Variants in KCNC4 observed in about 807,000 individuals in gnomAD.
KCNC4 encodes the protein potassium voltage-gated channel subfamily C member 4, also known as voltage-gated potassium channel KCNC4.
Under a neutral mutation model 42.8 loss-of-function variants are expected in KCNC4, and 23 were observed. The observed-to-expected ratio is 0.54, with a 90% CI of 0.39 to 0.76. The LOEUF (loss-of-function observed/expected upper bound fraction) is 0.76, where lower values mean the gene tolerates loss of function less well. Among genes scored for constraint, KCNC4 ranks in the 30% least tolerant of loss-of-function variants. The pLI is 0.00. For synonymous variants in KCNC4, 422 were observed against 393.5 expected, an observed-to-expected ratio of 1.07 and a Z score of -0.86; for missense variants, 751 against 898.2, an observed-to-expected ratio of 0.84 and a Z score of 2.10.
intron 1 of KCNC4, 74 bp from the exon 2 acceptor site, chr1:110,222,888 CAG>C: frequency 9.2e-7 from 1 of 1,090,190 alleles, no homozygotes; most frequent in Non-Finnish European, 1.4e-6. Flanking sequence ...AACCTTCATG[CAG>C]AAGTCCACGT....
chr1:110,253,234 T>C (rs1364012238), downstream of KCNC4, among the ~76,000 whole-genome samples: 1 of 152,246 alleles, frequency 6.6e-6, no homozygotes, highest in Non-Finnish European at 1.5e-5. Context: ...TTACTGACCA[T>C]GAGGGCACTT....
Position 110,233,026 on chromosome 1 carries a change from G to A in KCNC4, c.*54G>A. 3 of 1,567,860 alleles carry A rather than the reference G, an allele frequency of 1.9e-6. No individual in the cohort carries two copies. Among genetic ancestry groups the A allele is most frequent in the Non-Finnish European group, 2.6e-6 (3 of 1,152,366 alleles). ...GACAGACAGAAAGCCAGAGGCTTAGGGAAACTCTGGAACCCAGACAAGAAT... is the reference window on the plus strand; with the variant it reads ...GACAGACAGAAAGCCAGAGGCTTAGAGAAACTCTGGAACCCAGACAAGAAT... On this transcript the variant is annotated 3_prime_UTR_variant, in exon 4 of 4. Transcript: ENST00000438661.
intron 1 of KCNC4, among the ~76,000 whole-genome samples, chr1:110,214,997 C>T (rs559923805): frequency 1.3e-5 from 2 of 152,374 alleles, no homozygotes; most frequent in South Asian, 4.1e-4. Context: ...GTGCTACCTT[C>T]CCTCGCTCAC....
intron 3 of KCNC4, among the ~76,000 whole-genome samples, chr1:110,230,223 C>T (rs77581383): frequency 0.023 from 3,525 of 152,276 alleles, 137 homozygotes; most frequent in African/African-American, 0.08. Context: ...CTCCCACTTG[C>T]TCTCAGAATG....
intron 3 of KCNC4, among the ~76,000 whole-genome samples, chr1:110,230,171 G>A (rs1658620449): frequency 6.6e-6 from 1 of 152,224 alleles, no homozygotes; most frequent in Admixed American, 6.5e-5. Context: ...TTCAGAGTGG[G>A]CACTGGGATA....
chr1:110,275,881 C>G (rs1428359752), intron 1 of KCNC4, among the ~76,000 whole-genome samples: 1 of 144,492 alleles, frequency 6.9e-6, no homozygotes, highest in African/African-American at 2.7e-5. Flanking sequence ...TCACTTGGAC[C>G]CGGGAGGTGG....
intron 3 of KCNC4, 132 bp from the exon 4 acceptor site, chr1:110,232,779 G>C: frequency 6.5e-7 from 1 of 1,539,660 alleles, no homozygotes; most frequent in Non-Finnish European, 8.7e-7. Flanking sequence ...TCAGCAGCTG[G>C]CTTCCTTCTA....
intron 1 of KCNC4, chr1:110,220,456 C>G (rs373575237): frequency 2.7e-5 from 4 of 147,122 alleles, no homozygotes; most frequent in Non-Finnish European, 5.9e-5. Flanking sequence ...AGAGGATGGC[C>G]GGGGCCATGC....
intron 1 of KCNC4, among the ~76,000 whole-genome samples, chr1:110,280,910 C>T (rs1659809136): frequency 6.6e-6 from 1 of 152,182 alleles, no homozygotes; most frequent in Admixed American, 6.5e-5. Flanking sequence ...GTCACATTCC[C>T]TACCCAGAGC....
chr1:110,260,200 G>T (rs758871189), intron 1 of KCNC4, among the ~76,000 whole-genome samples: 3 of 152,216 alleles, frequency 2.0e-5, no homozygotes, highest in Non-Finnish European at 2.9e-5. Context: ...TCCTGAACTA[G>T]GAACAGGGGG....
chr1:110,264,422 C>T (rs1415718847), intron 1 of KCNC4, among the ~76,000 whole-genome samples: 1 of 152,120 alleles, frequency 6.6e-6, no homozygotes, highest in Non-Finnish European at 1.5e-5. Context: ...TGGGCATGAC[C>T]TCCTCCAAGC....
chr1:110,223,889 G>A lies in KCNC4; in HGVS notation c.1604G>A (p.Arg535Lys). 1 of 1,592,826 alleles carries A rather than the reference G, an allele frequency of 6.3e-7. No individual in the cohort carries two copies. The highest frequency in any genetic ancestry group is 8.6e-7 in the Non-Finnish European group (1 of 1,167,234). Residue 535 changes from arginine to lysine, a missense_variant, in exon 2 of 4, where the codon AGG becomes AAG. Physicochemically the swap from Arg to Lys is conservative, Grantham distance 26 (BLOSUM62 2). This residue lies in a region of KCNC4 where 202 missense variants were observed against 181.5 expected (regional missense o/e 1.11). Coordinates refer to ENST00000438661, the MANE Select transcript of KCNC4 (RefSeq NM_001039574.3). This position sits in a 1 kb window ranked among gnomAD's most constrained non-coding sequence, Gnocchi z 7.5. ...GCCCGGGAAGAGGGTATGATCGAGAGGAAACGGGCAGGTGAGATTAGGGGT... is the reference window on the plus strand; with the variant it reads ...GCCCGGGAAGAGGGTATGATCGAGAAGAAACGGGCAGGTGAGATTAGGGGT... ...PPAREEGMIE[R>K]KRADSKQNGD...
Position 110,225,997 on chromosome 1 carries a change from CA to C in KCNC4, c.1640del (p.Asn547ThrfsTer86). On this transcript the variant is annotated frameshift_variant, in exon 3 of 4. Transcript: ENST00000438661. LOFTEE classifies it high-confidence loss of function. The part of the protein sequence containing the change: ...RADSKQNGDA[N>X]AVLSDEEGAG... ...CAGACTCTAAGCAGAATGGCGATGC[CA>C]ACGCAGTGCTGTCTGATGAGGAGGG... is the stretch of plus-strand genomic sequence containing the variant. 1 of 1,603,614 alleles carries C rather than the reference CA, an allele frequency of 6.2e-7. No homozygotes were observed. Among genetic ancestry groups the C allele is most frequent in the Non-Finnish European group, 8.5e-7 (1 of 1,172,608 alleles).
chr1:110,237,925 C>T (rs919732306), downstream of KCNC4: 1 of 152,294 alleles, frequency 6.6e-6, no homozygotes, highest in African/African-American at 2.4e-5. Flanking sequence ...GTTCCTGGCT[C>T]CAAGCCCTGT....
At chr1:110,254,330 C>A (rs531598178) in intron 1 of KCNC4, among the ~76,000 whole-genome samples, 3 of 152,210 alleles carry the variant, frequency 2.0e-5, no homozygotes, top group Non-Finnish European at 4.4e-5. Flanking sequence ...AGGATCTGAC[C>A]CCTGAGGCTT....
At chr1:110,215,993 C>G (rs1657774505) in intron 1 of KCNC4, among the ~76,000 whole-genome samples, 1 of 152,196 alleles carries the variant, frequency 6.6e-6, no homozygotes, top group African/African-American at 2.4e-5. Flanking sequence ...ACTTCTCACT[C>G]CCCAGAATTG....
At chr1:110,236,135 G>A (rs2101048899), downstream of KCNC4, 2 of 152,328 alleles carry the variant, frequency 1.3e-5, no homozygotes, top group Middle Eastern at 6.8e-3. Context: ...GAAGTCCTTA[G>A]TCCTTATCTC....
intron 1 of KCNC4, among the ~76,000 whole-genome samples, chr1:110,265,679 T>C (rs1659530786): frequency 6.6e-6 from 1 of 152,190 alleles, no homozygotes; most frequent in Non-Finnish European, 1.5e-5. Flanking sequence ...CCAGGGAGCC[T>C]GTTCTGGGGC....
exon 4 of KCNC4, chr1:110,246,914 C>T (rs930019227): frequency 2.0e-5 from 3 of 152,100 alleles, no homozygotes; most frequent in Admixed American, 1.3e-4. Flanking sequence ...TTGTCCACCC[C>T]TCTCCCACCC....
Sources: allele counts gnomAD v4.1 joint callset (sites outside exome capture counted in the v4.1 genomes callset), GRCh38; gene constraint gnomAD v4.1.1; regional missense constraint gnomAD v4.1.1; non-coding constraint Gnocchi (gnomAD v3.1); transcripts MANE v1.5; gene names NCBI Gene and HGNC (gene_info 2026-07-23, HGNC 2026-07-21).